The following CHN1 variants were observed in gnomAD, a reference collection of about 807,000 sequenced individuals.
CHN1 encodes the protein chimerin 1.
Under a neutral mutation model 59.5 loss-of-function variants are expected in CHN1, and 37 were observed. The ratio of observed to expected loss-of-function variants is 0.62; its 90% CI spans 0.48 to 0.82. The LOEUF (loss-of-function observed/expected upper bound fraction) is 0.82. CHN1 is among the 40% of genes least tolerant of loss of function. The pLI, the probability that CHN1 is intolerant of heterozygous loss-of-function variation, is 0.00. For missense variants in CHN1, 469 were observed against 571.0 expected, an observed-to-expected ratio of 0.82 and a Z score of 1.82; for synonymous variants, 206 against 200.4, an observed-to-expected ratio of 1.03 and a Z score of -0.24.
intron 2 of CHN1, among the ~76,000 whole-genome samples, chr2:174,946,435 C>T (rs1444857427): frequency 6.6e-5 from 10 of 152,142 alleles, no homozygotes; most frequent in Non-Finnish European, 1.3e-4. Context: ...AAAGCCACTT[C>T]ATCAGGAATG....
chr2:174,923,388 C>A (rs1286847030), intron 3 of CHN1, among the ~76,000 whole-genome samples: 1 of 152,220 alleles, frequency 6.6e-6, no homozygotes, highest in African/African-American at 2.4e-5. Flanking sequence ...GATCCACCCA[C>A]CTCGGCCTCC....
chr2:174,900,855 G>A (rs963026185), intron 5 of CHN1, among the ~76,000 whole-genome samples: 1 of 150,210 alleles, frequency 6.7e-6, no homozygotes, highest in Non-Finnish European at 1.5e-5. Context: ...GTGCTATCTA[G>A]GGCAAAGAAA....
In CHN1 at chr2:174,869,959, T is replaced by A. The variant is rs570528349; in HGVS notation, c.549+7881A>T. ...AGCCCCTGTTTTTGGAGGGAAATTTTACAGTAAAGATGACCTTTCACTAAA... is the reference window on the plus strand; with the variant it reads ...AGCCCCTGTTTTTGGAGGGAAATTTAACAGTAAAGATGACCTTTCACTAAA... On this transcript the variant is annotated intron_variant, in intron 6 of 12. Transcript: ENST00000409900. 2.6e-5 allele frequency among the ~76,000 whole-genome samples: 4 copies of A among 152,298 alleles called. No homozygotes were observed. The South Asian group carries it at 8.3e-4, about 32-fold the overall frequency.
intron 7 of CHN1, among the ~76,000 whole-genome samples, chr2:174,829,691 G>A (rs1305750804): frequency 1.3e-5 from 2 of 152,146 alleles, no homozygotes; most frequent in East Asian, 1.9e-4. Context: ...TGAACATTAC[G>A]GGAAATAAAA....
At chr2:174,988,574 C>T (rs1691430819) in intron 1 of CHN1, among the ~76,000 whole-genome samples, 1 of 151,946 alleles carries the variant, frequency 6.6e-6, no homozygotes, top group South Asian at 2.1e-4. Context: ...ATTTAGTTGC[C>T]TTGAGACAAT....
rs944065118 is a variant in CHN1, at chr2:174,798,818, G to A, written c.*1298C>T. ...GGAATAATCTTCAAAGTTTGAACAT[G>A]TGTCTTTTATTGTTAAAAATTTGAA... On this transcript the variant is annotated 3_prime_UTR_variant, in exon 13 of 13. Coordinates refer to ENST00000409900, the MANE Select transcript of CHN1 (RefSeq NM_001822.7). Among the ~76,000 whole-genome samples, 3 of 152,242 alleles carry A rather than the reference G, an allele frequency of 2.0e-5. No homozygotes were observed. Among genetic ancestry groups the A allele is most frequent in the African/African-American group, 7.2e-5 (3 of 41,472 alleles).
chr2:174,916,130 C>T (rs939542816), intron 4 of CHN1, among the ~76,000 whole-genome samples: 3 of 152,254 alleles, frequency 2.0e-5, no homozygotes, highest in Non-Finnish European at 4.4e-5. Flanking sequence ...TTTCAGCAAC[C>T]GGGGAAGACT....
At chr2:174,863,339 T>C (rs1053760501) in intron 6 of CHN1, among the ~76,000 whole-genome samples, 4 of 152,266 alleles carry the variant, frequency 2.6e-5, no homozygotes, top group East Asian at 1.9e-4. Flanking sequence ...AGACTCCACA[T>C]TGCAAGTAAC....
chr2:174,907,447 A>G (rs1184200949), intron 5 of CHN1, among the ~76,000 whole-genome samples: 8 of 152,238 alleles, frequency 5.3e-5, no homozygotes, highest in Middle Eastern at 6.8e-3. Flanking sequence ...TTTTCTTTCT[A>G]TTGCCCCAGG....
chr2:174,809,281 T>A (rs1158982387), intron 10 of CHN1, among the ~76,000 whole-genome samples: 1 of 152,202 alleles, frequency 6.6e-6, no homozygotes, highest in Non-Finnish European at 1.5e-5. Flanking sequence ...TTATTAATAT[T>A]TTCCTTTATA....
chr2:174,827,461 T>C (rs1179997650), intron 7 of CHN1, among the ~76,000 whole-genome samples: 2 of 152,198 alleles, frequency 1.3e-5, no homozygotes, highest in Admixed American at 6.5e-5. Flanking sequence ...ATGTGGTGTT[T>C]AGAGAACTGC....
chr2:174,956,976 C>T (rs966398633), intron 1 of CHN1, among the ~76,000 whole-genome samples: 4 of 152,136 alleles, frequency 2.6e-5, no homozygotes, highest in African/African-American at 7.2e-5. Context: ...CTGGTCACAA[C>T]ATTTTCATCA....
At chr2:174,956,236 T>A (rs1690200652) in intron 1 of CHN1, among the ~76,000 whole-genome samples, 1 of 152,072 alleles carries the variant, frequency 6.6e-6, no homozygotes, top group Non-Finnish European at 1.5e-5. Context: ...AAATTTTATA[T>A]CCACTAGAAT....
chr2:174,982,018 T>C (rs1349139645), intron 1 of CHN1, among the ~76,000 whole-genome samples: 1 of 152,150 alleles, frequency 6.6e-6, no homozygotes, highest in East Asian at 1.9e-4. Flanking sequence ...CATTGTTCAA[T>C]TCCCACCTAT....
intron 11 of CHN1, among the ~76,000 whole-genome samples, chr2:174,803,868 A>G (rs1288743683): frequency 6.6e-6 from 1 of 152,184 alleles, no homozygotes; most frequent in Non-Finnish European, 1.5e-5. Context: ...TTTTTACTAC[A>G]GGATAAATTA....
intron 2 of CHN1, among the ~76,000 whole-genome samples, chr2:174,949,875 C>T (rs191432991): frequency 3.3e-5 from 5 of 152,124 alleles, no homozygotes; most frequent in Non-Finnish European, 1.5e-5. Flanking sequence ...TAATTTCCTA[C>T]ACATTTCTAC....
intron 3 of CHN1, among the ~76,000 whole-genome samples, chr2:174,935,765 GAAAAC>G (rs1205764654): frequency 6.6e-6 from 1 of 151,830 alleles, no homozygotes; most frequent in East Asian, 1.9e-4. Context: ...ATCTCTACAA[GAAAAC>G]AAAACAAAAC....
intron 1 of CHN1, among the ~76,000 whole-genome samples, chr2:174,984,108 A>G (rs1691255713): frequency 6.6e-6 from 1 of 151,972 alleles, no homozygotes; most frequent in Non-Finnish European, 1.5e-5. Context: ...CTGGAAAAAA[A>G]TAACTAGAAA....
rs564320326 is a variant in CHN1 at position 174,861,743 on chromosome 2, T to C, written c.550-14786A>G. Among the ~76,000 whole-genome samples, 6 of 152,308 alleles carry C rather than the reference T, an allele frequency of 3.9e-5. No homozygotes were observed. The East Asian group carries it at 1.2e-3, about 29-fold the overall frequency. ...GCAACATAGCTGACTAAAGGAGACA[T>C]TGAATTGAAAACAATTGTTGTGCTG... On this transcript the variant is annotated intron_variant, in intron 6 of 12. Transcript: ENST00000409900.
Sources: allele counts gnomAD v4.1 joint callset (sites outside exome capture counted in the v4.1 genomes callset), GRCh38; gene constraint gnomAD v4.1.1; transcripts MANE v1.5; gene names NCBI Gene and HGNC (gene_info 2026-07-23, HGNC 2026-07-21).